Variants in MDN1 observed in about 807,000 individuals in gnomAD.
MDN1 encodes midasin.
Under a neutral mutation model 669.2 loss-of-function variants are expected in MDN1, and 266 were observed. That is an observed-to-expected ratio of 0.40 (90% confidence interval 0.36 to 0.44). MDN1 has a LOEUF of 0.44. Ranked by LOEUF, MDN1 falls within the 20% of genes least tolerant of loss-of-function variation. MDN1 has a pLI of 1.00. For synonymous variants in MDN1, 2,385 were observed against 2,457.1 expected (o/e 0.97, Z 0.87); for missense variants, 5,940 against 6,754.0 (o/e 0.88, Z 4.22).
chr6:89,740,331 G>A lies in MDN1; in HGVS notation c.4496C>T (p.Pro1499Leu), dbSNP rs768302026. 6.3e-7 allele frequency: 1 copy of A among 1,595,674 alleles called. No individual in the cohort carries two copies. Among genetic ancestry groups the A allele is most frequent in the Non-Finnish European group, 8.5e-7 (1 of 1,175,092 alleles). The change falls in exon 32 of 102, where the codon CCA (proline) becomes CTA (leucine). Residue 1499 changes from proline (P) to leucine (L), a missense_variant. Physicochemically the swap from Pro to Leu is moderately conservative, Grantham distance 98. Transcript: ENST00000369393. ...CTCTATTTCACTATCCTTGTCCTCT[G>A]GACTGCCTTTTTCAGCTAATACCAG... ...KSLVLAEKGS[P>L]EDKDSEIELL...
chr6:89,655,439 A>G (rs1236348834), intron 92 of MDN1, among the ~76,000 whole-genome samples: 2 of 152,198 alleles, frequency 1.3e-5, no homozygotes, highest in East Asian at 3.8e-4. Flanking sequence ...ATTTTTAACT[A>G]TTATATTTAA....
At chr6:89,650,608 C>T (rs916105479) in intron 96 of MDN1, 124 bp downstream of exon 96, 6 of 704,632 alleles carry the variant, frequency 8.5e-6, no homozygotes, top group Non-Finnish European at 1.4e-5. Flanking sequence ...ATACTGGTGC[C>T]TGTACGGCAC....
At chr6:89,810,537 T>C (rs943937261) in intron 1 of MDN1, among the ~76,000 whole-genome samples, 1 of 152,216 alleles carries the variant, frequency 6.6e-6, no homozygotes, top group Non-Finnish European at 1.5e-5. Flanking sequence ...AGCAAGGCCA[T>C]ATTCCTTTGA....
chr6:89,694,292 C>T (rs1489011625), intron 61 of MDN1, 109 bp from the exon 62 acceptor site: 6 of 871,358 alleles, frequency 6.9e-6, no homozygotes, highest in African/African-American at 1.7e-5. Flanking sequence ...ATCTGGGTTC[C>T]TGAATGACCC....
intron 1 of MDN1, 29 bp downstream of exon 1, chr6:89,819,476 CG>C: frequency 6.3e-7 from 1 of 1,591,154 alleles, no homozygotes; most frequent in Non-Finnish European, 8.6e-7. Context: ...CCAGTCGTTC[CG>C]GCGCTTTCCC....
chr6:89,776,587 A>G lies in MDN1; in HGVS notation c.1821+13T>C, dbSNP rs1818366892. On this transcript the variant is annotated intron_variant, in intron 12 of 101. Coordinates refer to ENST00000369393, the MANE Select transcript of MDN1 (RefSeq NM_014611.3). ...CTCCTTTCAACAGGGAAGTAAAAAA[A>G]CAGCACACATACCTTTTTTCTAGAA... 2 of 1,591,422 alleles carry G rather than the reference A, an allele frequency of 1.3e-6. No individual in the cohort carries two copies. Among genetic ancestry groups the G allele is most frequent in the Admixed American group, 1.7e-5 (1 of 58,120 alleles).
At chr6:89,815,140 C>A in intron 1 of MDN1, 1 of 386,496 alleles carries the variant, frequency 2.6e-6, no homozygotes, top group Non-Finnish European at 5.1e-6. Context: ...CAGCTACAGA[C>A]CCCTGTGCAT....
At chr6:89,781,719 G>A (rs770297524) in intron 9 of MDN1, 127 bp from the exon 10 acceptor site, 8 of 718,912 alleles carry the variant, frequency 1.1e-5, no homozygotes, top group East Asian at 2.7e-5. Context: ...ACTGGGGGAC[G>A]GTAGCTCACA....
rs1444537561 is a variant in MDN1, at chr6:89,670,170, A to ATATTTTTTTTTTTT, written c.13956+748_13956+749insAAAAAAAAAAAATA. On this transcript the variant is annotated intron_variant, in intron 83 of 101. Transcript: ENST00000369393. Reference sequence around the variant, plus strand: ...TATATATATATATATATATATATATATTTTTTTTTTTTTTTTTTTTGAGAT... The same window carrying ATATTTTTTTTTTTT: ...TATATATATATATATATATATATATATATTTTTTTTTTTTTTTTTTTTTTTTTTTTTTTTGAGAT... 3.0e-4 allele frequency among the ~76,000 whole-genome samples: 7 copies of ATATTTTTTTTTTTT among 23,414 alleles called. 1 individual carries two copies. Among genetic ancestry groups the ATATTTTTTTTTTTT allele is most frequent in the African/African-American group, 1.5e-3 (6 of 3,910 alleles). 15.4% of individuals were successfully genotyped at this position (23,414 alleles called of 152,430 possible). A position where few individuals can be genotyped will look rare whatever the true frequency, so the allele number is the denominator to read the frequency against.
rs1169253305 is a variant in MDN1 at position 89,803,918 on chromosome 6, TG to T, written c.103-365del. Among the ~76,000 whole-genome samples, 14 of 95,280 alleles carry T rather than the reference TG, an allele frequency of 1.5e-4. No individual in the cohort carries two copies. The East Asian group carries it at 2.9e-3, about 19-fold the overall frequency. The allele number at this position is 95,280 out of a possible 152,430, so 62.5% of individuals were successfully genotyped here. On this transcript the variant is annotated intron_variant, in intron 1 of 101. Coordinates refer to ENST00000369393, the MANE Select transcript of MDN1 (RefSeq NM_014611.3). ...TTCTTTTTTTTTTTTTTTTTTTTTT[TG>T]GAGACAGAGTCCTGCTCCATCTCCC...
chr6:89,753,708 T>C (rs1212732479), intron 21 of MDN1, 86 bp from the exon 22 acceptor site: 5 of 1,065,656 alleles, frequency 4.7e-6, no homozygotes, highest in Non-Finnish European at 5.8e-6. Context: ...TTTAACCTCT[T>C]GGGTGATGCT....
chr6:89,658,671 T>G lies in MDN1; in HGVS notation c.14960A>C (p.Asp4987Ala), dbSNP rs769917924. Residue 4987 changes from aspartate to alanine, a missense_variant, in exon 89 of 102, where the codon GAC (aspartate) becomes GCC (alanine). By Grantham distance (126) the Asp-to-Ala change is moderately radical. This residue lies in a region of MDN1 where 2,280 missense variants were observed against 2,576.3 expected (regional missense o/e 0.88). Coordinates refer to ENST00000369393, the MANE Select transcript of MDN1 (RefSeq NM_014611.3). The part of the protein sequence containing the change: ...EEQQQSVEEK[D>A]KEADEEGGEN... ...TCCACCTTCTTCATCGGCTTCCTTG[T>G]CTTTTTCCTCCACAGACTGCTGCTG... 39 of 1,613,754 alleles carry G rather than the reference T, an allele frequency of 2.4e-5. No homozygotes were observed. Among genetic ancestry groups the G allele is most frequent in the Non-Finnish European group, 8.5e-7 (1 of 1,179,716 alleles).
At chr6:89,789,987 A>T in intron 6 of MDN1, 76 bp from the exon 7 acceptor site, 1 of 1,589,064 alleles carries the variant, frequency 6.3e-7, no homozygotes, top group Non-Finnish European at 8.6e-7. Flanking sequence ...ATTAACTGTT[A>T]ATCTTCTATA....
At chr6:89,645,577 TC>T (rs1186765886) in intron 100 of MDN1, among the ~76,000 whole-genome samples, 1 of 152,240 alleles carries the variant, frequency 6.6e-6, no homozygotes, top group Non-Finnish European at 1.5e-5. Flanking sequence ...AACTGTGTCT[TC>T]CAAATTTCAG....
rs767181217 is a variant in MDN1 at position 89,672,234 on chromosome 6, G to A, written c.13760C>T (p.Ser4587Leu). Residue 4587 changes from serine to leucine, a missense_variant, in exon 82 of 102, where the codon TCG becomes TTG. By Grantham distance (145) the Ser-to-Leu change is moderately radical (BLOSUM62 -2). Coordinates refer to ENST00000369393, the MANE Select transcript of MDN1 (RefSeq NM_014611.3). Reference protein sequence around the residue: ...AISELLERLKSYGEDGTAAKH... With the variant: ...AISELLERLKLYGEDGTAAKH... ...TGCTGCTGTGCCATCCTCACCGTAC[G>A]ATTTCAGCCTCTCCAACAGCTCGGA... The A allele has an allele frequency of 1.9e-6, 3 of 1,601,292 alleles. No individual in the cohort carries two copies. Among genetic ancestry groups the A allele is most frequent in the South Asian group, 1.1e-5 (1 of 88,304 alleles).
At chr6:89,803,584 CT>C (rs71027903) in intron 1 of MDN1, 30 bp from the exon 2 acceptor site, 123,536 of 1,197,444 alleles carry the variant, frequency 0.1, no homozygotes, top group South Asian at 0.13. Context: ...ACATCTTTCA[CT>C]TTTTTTTTTT....
chr6:89,670,158 ATATATATATATATTT>A (rs1410940743), intron 83 of MDN1, among the ~76,000 whole-genome samples: 7 of 24,338 alleles, frequency 2.9e-4, no homozygotes, highest in South Asian at 1.2e-3. Flanking sequence ...ATATATATAT[ATATATATATATATTT>A]TTTTTTTTTT....
intron 63 of MDN1, 150 bp downstream of exon 63, chr6:89,692,293 T>C (rs1812423355): frequency 1.5e-6 from 1 of 669,774 alleles, no homozygotes; most frequent in East Asian, 2.8e-5. Flanking sequence ...GATAGTTAAA[T>C]AGGGAAAAAG....
chr6:89,766,020 C>G (rs187010140), intron 15 of MDN1, among the ~76,000 whole-genome samples: 1 of 152,188 alleles, frequency 6.6e-6, no homozygotes, highest in Non-Finnish European at 1.5e-5. Flanking sequence ...TCAGGCCAGG[C>G]GCTGTGGCTC....
Sources: allele counts gnomAD v4.1 joint callset (sites outside exome capture counted in the v4.1 genomes callset), GRCh38; gene constraint gnomAD v4.1.1; regional missense constraint gnomAD v4.1.1; transcripts MANE v1.5; gene names NCBI Gene and HGNC (gene_info 2026-07-23, HGNC 2026-07-21).